MTMR3: variants seen among roughly 807,000 people sequenced by gnomAD.
MTMR3 encodes myotubularin related protein 3, also known as phosphatidylinositol-3,5-bisphosphate 3-phosphatase MTMR3.
A neutral mutation model predicts 132.4 loss-of-function variants in MTMR3; 32 were observed. The ratio of observed to expected loss-of-function variants is 0.24; its 90% CI spans 0.18 to 0.32. The LOEUF is 0.32. Ranked by LOEUF, MTMR3 falls within the 10% of genes least tolerant of loss-of-function variation. The probability of loss-of-function intolerance (pLI) is 1.00; values close to 1 mark genes in which losing one functional copy is unlikely to be tolerated. For missense variants in MTMR3, 1,216 were observed against 1,489.6 expected, an observed-to-expected ratio of 0.82 and a Z score of 3.02; for synonymous variants, 556 against 550.3, an observed-to-expected ratio of 1.01 and a Z score of -0.14.
chr22:29,946,244 A>G (rs990897783), intron 1 of MTMR3, among the ~76,000 whole-genome samples: 1 of 152,156 alleles, frequency 6.6e-6, no homozygotes, highest in African/African-American at 2.4e-5. Context: ...GTGATTCCCA[A>G]AGGAGTATTA....
chr22:29,892,275 A>G (rs773859898), intron 1 of MTMR3, among the ~76,000 whole-genome samples: 13 of 152,216 alleles, frequency 8.5e-5, no homozygotes, highest in Non-Finnish European at 1.6e-4. Flanking sequence ...AAGGACAAAT[A>G]GTAGGATAAG....
chr22:29,904,093 A>T (rs1602437560), intron 1 of MTMR3, among the ~76,000 whole-genome samples: 1 of 152,204 alleles, frequency 6.6e-6, no homozygotes, highest in East Asian at 1.9e-4. Flanking sequence ...ATAGCTCTTT[A>T]CTTTAACTGA....
intron 1 of MTMR3, among the ~76,000 whole-genome samples, chr22:29,922,890 GTT>G (rs1244646272): frequency 8.2e-5 from 11 of 134,564 alleles, no homozygotes; most frequent in African/African-American, 5.6e-5. Context: ...AGTGACTAGT[GTT>G]TTTTTTTTTT....
At chr22:29,885,981 A>G (rs1229511433) in intron 1 of MTMR3, among the ~76,000 whole-genome samples, 4 of 152,222 alleles carry the variant, frequency 2.6e-5, no homozygotes, top group Non-Finnish European at 5.9e-5. Flanking sequence ...ATCATAGAGT[A>G]GTATTTTTAG....
chr22:29,898,826 A>G (rs1178072959), intron 1 of MTMR3, among the ~76,000 whole-genome samples: 3 of 151,826 alleles, frequency 2.0e-5, no homozygotes, highest in African/African-American at 7.3e-5. Flanking sequence ...CAGCTGCATC[A>G]TGTTGCTGCA....
Position 30,025,999 on chromosome 22 carries a change from A to C in MTMR3, c.*198A>C. The C allele has an allele frequency of 2.1e-6, 1 of 483,368 alleles. No individual in the cohort carries two copies. The highest frequency in any genetic ancestry group is 3.6e-6 in the Non-Finnish European group (1 of 277,538). 29.9% of individuals were successfully genotyped at this position (483,368 alleles called of 1,614,324 possible). A position where few individuals can be genotyped will look rare whatever the true frequency, so the allele number is the denominator to read the frequency against. On this transcript the variant is annotated 3_prime_UTR_variant, in exon 20 of 20. Transcript: ENST00000401950. ...CCCCTACTCCCTCCCTACCTTTTCC[A>C]TCCTCCTCCTCTGCCTTCAAAAAAG...
At position 29,971,024 on chromosome 22, in the gene MTMR3, G is replaced by A. The variant is rs1412816725; in HGVS notation, c.-36G>A. ...GAGCCTTGTTGGACACTGAAGAAGGGACGGGGATTTCTCCTCCTAATCTGG... is the reference window on the plus strand; with the variant it reads ...GAGCCTTGTTGGACACTGAAGAAGGAACGGGGATTTCTCCTCCTAATCTGG... On this transcript the variant is annotated 5_prime_UTR_variant, in exon 3 of 20. Coordinates refer to ENST00000401950, the MANE Select transcript of MTMR3 (RefSeq NM_021090.4). 1.9e-6 allele frequency: 3 copies of A among 1,586,748 alleles called. No individual in the cohort carries two copies. The highest frequency in any genetic ancestry group is 2.6e-6 in the Non-Finnish European group (3 of 1,167,824).
intron 1 of MTMR3, among the ~76,000 whole-genome samples, chr22:29,917,222 GTC>G (rs535850149): frequency 1.3e-5 from 2 of 152,322 alleles, no homozygotes; most frequent in South Asian, 4.1e-4. Context: ...AGCCAAAGGT[GTC>G]TGTTTTTAGT....
chr22:29,886,226 G>A (rs975738119), intron 1 of MTMR3, among the ~76,000 whole-genome samples: 1 of 152,194 alleles, frequency 6.6e-6, no homozygotes, highest in Admixed American at 6.5e-5. Context: ...ATCAAATAGG[G>A]CTCTGGGTAG....
At chr22:30,025,384 T>C in intron 19 of MTMR3, 1 of 545,580 alleles carries the variant, frequency 1.8e-6, no homozygotes, top group South Asian at 2.1e-5. Context: ...TGAGCAGCAT[T>C]CTTTTGAGTC....
chr22:29,964,160 A>C (rs888842898), intron 2 of MTMR3, among the ~76,000 whole-genome samples: 2 of 152,172 alleles, frequency 1.3e-5, no homozygotes, highest in African/African-American at 4.8e-5. Flanking sequence ...TCGTATATCT[A>C]ATTTTAAGAA....
chr22:30,002,289 G>C (rs2067191961), intron 8 of MTMR3: 1 of 152,420 alleles, frequency 6.6e-6, no homozygotes, highest in Admixed American at 6.5e-5. Flanking sequence ...TGTGTATGCA[G>C]ATAGACTGGC....
intron 1 of MTMR3, among the ~76,000 whole-genome samples, chr22:29,951,040 A>G (rs2066068753): frequency 6.6e-6 from 1 of 152,050 alleles, no homozygotes; most frequent in Non-Finnish European, 1.5e-5. Flanking sequence ...AATCTCAGCT[A>G]CTTGGGAGGC....
chr22:29,910,274 T>G (rs947659148), intron 1 of MTMR3, among the ~76,000 whole-genome samples: 1 of 152,160 alleles, frequency 6.6e-6, no homozygotes, highest in Non-Finnish European at 1.5e-5. Context: ...AGTGCAGTTA[T>G]GTAGAACAAA....
chr22:29,978,200 G>C (rs1286004206), intron 3 of MTMR3: 1 of 323,128 alleles, frequency 3.1e-6, no homozygotes. Flanking sequence ...AGCTGTTAGT[G>C]CCTAATAGAA....
At chr22:30,018,831 C>T (rs2067668560) in intron 16 of MTMR3, 1 of 152,064 alleles carries the variant, frequency 6.6e-6, no homozygotes, top group African/African-American at 2.4e-5. Context: ...ATTTAAAATA[C>T]TGTAATATCA....
intron 1 of MTMR3, among the ~76,000 whole-genome samples, chr22:29,933,982 T>C (rs959914161): frequency 1.3e-5 from 2 of 152,160 alleles, no homozygotes; most frequent in Non-Finnish European, 2.9e-5. Context: ...AGTACATGTT[T>C]TTAGGGTAGT....
chr22:29,931,780 C>T (rs1320518295), intron 1 of MTMR3, among the ~76,000 whole-genome samples: 6 of 140,940 alleles, frequency 4.3e-5, no homozygotes, highest in Non-Finnish European at 4.6e-5. Context: ...AGAGAGAATC[C>T]TTTTTTTTTT....
intron 1 of MTMR3, among the ~76,000 whole-genome samples, chr22:29,889,314 G>A (rs375489667): frequency 1.5e-5 from 2 of 133,752 alleles, no homozygotes; most frequent in East Asian, 4.4e-4. Context: ...TTTAGATGGC[G>A]TCTCGCTCTG....
Sources: allele counts gnomAD v4.1 joint callset (sites outside exome capture counted in the v4.1 genomes callset), GRCh38; gene constraint gnomAD v4.1.1; transcripts MANE v1.5; gene names NCBI Gene and HGNC (gene_info 2026-07-23, HGNC 2026-07-21).